The following PEX5L variants were observed in gnomAD, a reference collection of about 807,000 sequenced individuals.
PEX5L encodes the protein peroxisomal biogenesis factor 5 like.
A neutral mutation model predicts 84.0 loss-of-function variants in PEX5L; 30 were observed. The ratio of observed to expected loss-of-function variants is 0.36; its 90% confidence interval spans 0.27 to 0.48. PEX5L has a LOEUF of 0.48. Among genes scored for constraint, PEX5L ranks in the 20% least tolerant of loss-of-function variants. PEX5L has a pLI of 0.99. For synonymous variants in PEX5L, 270 were observed against 283.1 expected (o/e 0.95, Z 0.46); for missense variants, 533 against 754.6 (o/e 0.71, Z 3.44).
At chr3:179,885,422 A>G (rs1819122) in intron 4 of PEX5L, among the ~76,000 whole-genome samples, 141,159 of 152,162 alleles carry the variant, frequency 0.93, 65,606 homozygotes, top group African/African-American at 0.98. Context: ...CAAAGTGGGC[A>G]GATCACAAGG....
intron 1 of PEX5L, among the ~76,000 whole-genome samples, chr3:180,013,874 C>T (rs548270455): frequency 3.4e-4 from 52 of 152,286 alleles, no homozygotes; most frequent in African/African-American, 1.3e-3. Context: ...AAATTTTCTA[C>T]AAGGAACACG....
intron 8 of PEX5L, among the ~76,000 whole-genome samples, chr3:179,840,512 A>G (rs1209202504): frequency 6.6e-6 from 1 of 152,018 alleles, no homozygotes; most frequent in African/African-American, 2.4e-5. Flanking sequence ...TAAGCAGGGA[A>G]GTAATAGGAT....
At chr3:179,885,520 C>T (rs775221625) in intron 4 of PEX5L, among the ~76,000 whole-genome samples, 2 of 152,068 alleles carry the variant, frequency 1.3e-5, no homozygotes, top group African/African-American at 2.4e-5. Flanking sequence ...GTGGCAGGTG[C>T]CTATAGTCCC....
intron 1 of PEX5L, among the ~76,000 whole-genome samples, chr3:180,007,467 A>G (rs1356347212): frequency 6.6e-6 from 1 of 152,130 alleles, no homozygotes; most frequent in Non-Finnish European, 1.5e-5. Flanking sequence ...AGTCTGGAGG[A>G]CAGTAGTCCT....
chr3:180,030,189 T>G (rs907992520), intron 1 of PEX5L, among the ~76,000 whole-genome samples: 3 of 152,172 alleles, frequency 2.0e-5, no homozygotes, highest in African/African-American at 7.2e-5. Flanking sequence ...CAAACTCACA[T>G]ATACCTAGTG....
At chr3:180,024,382 A>C (rs1479453363) in intron 1 of PEX5L, among the ~76,000 whole-genome samples, 24 of 114,818 alleles carry the variant, frequency 2.1e-4, no homozygotes, top group Non-Finnish European at 3.8e-4. Context: ...ATACACACAC[A>C]AAAAAAAAAA....
At chr3:179,825,202 G>T (rs1729988283) in intron 8 of PEX5L, among the ~76,000 whole-genome samples, 1 of 152,228 alleles carries the variant, frequency 6.6e-6, no homozygotes, top group Non-Finnish European at 1.5e-5. Flanking sequence ...TCAGGGGGAT[G>T]CTGAGAGCTG....
chr3:180,024,069 G>T (rs1256804165), intron 1 of PEX5L, among the ~76,000 whole-genome samples: 5 of 151,966 alleles, frequency 3.3e-5, no homozygotes, highest in South Asian at 2.1e-4. Flanking sequence ...TTGTATATTT[G>T]GTCCACCCAG....
chr3:179,862,350 A>G (rs999939998), intron 7 of PEX5L, among the ~76,000 whole-genome samples: 1 of 152,222 alleles, frequency 6.6e-6, no homozygotes, highest in Admixed American at 6.5e-5. Flanking sequence ...CTTTTGGGCC[A>G]CAGTATATTC....
At chr3:180,004,334 T>C (rs921869777) in intron 1 of PEX5L, among the ~76,000 whole-genome samples, 3 of 152,200 alleles carry the variant, frequency 2.0e-5, no homozygotes, top group African/African-American at 7.2e-5. Context: ...TTTTTAGTTA[T>C]TAGTGAAGAA....
At chr3:179,989,192 T>C (rs1389852861) in intron 1 of PEX5L, among the ~76,000 whole-genome samples, 1 of 152,212 alleles carries the variant, frequency 6.6e-6, no homozygotes, top group African/African-American at 2.4e-5. Flanking sequence ...TGGCATCTTA[T>C]ATGTATTCTT....
intron 2 of PEX5L, among the ~76,000 whole-genome samples, chr3:179,910,475 A>G (rs77159190): frequency 0.017 from 2,607 of 152,346 alleles, 70 homozygotes; most frequent in African/African-American, 0.06. Flanking sequence ...ATTAGTTAAT[A>G]TAGACATTAG....
intron 8 of PEX5L, among the ~76,000 whole-genome samples, chr3:179,834,370 C>T (rs1396123380): frequency 6.6e-6 from 1 of 152,162 alleles, no homozygotes; most frequent in African/African-American, 2.4e-5. Flanking sequence ...TTGGATATTC[C>T]CTGCAGGAAT....
intron 8 of PEX5L, among the ~76,000 whole-genome samples, chr3:179,841,857 A>T (rs1737436366): frequency 6.6e-6 from 1 of 152,214 alleles, no homozygotes; most frequent in African/African-American, 2.4e-5. Context: ...TATTTCATAC[A>T]GGAAAAACCT....
chr3:179,976,565 G>A (rs1270866316), intron 1 of PEX5L, among the ~76,000 whole-genome samples: 1 of 152,112 alleles, frequency 6.6e-6, no homozygotes, highest in African/African-American at 2.4e-5. Flanking sequence ...AACCTCCCTA[G>A]TAGCTGGGAT....
chr3:179,862,857 C>T (rs1438047079), intron 7 of PEX5L, among the ~76,000 whole-genome samples: 2 of 152,164 alleles, frequency 1.3e-5, no homozygotes, highest in Non-Finnish European at 2.9e-5. Context: ...TGTACAGACT[C>T]ACAAGAGACC....
chr3:180,023,393 GA>G (rs1031553167), intron 1 of PEX5L, among the ~76,000 whole-genome samples: 2 of 152,194 alleles, frequency 1.3e-5, no homozygotes, highest in Non-Finnish European at 2.9e-5. Flanking sequence ...CTTATTTGCA[GA>G]ATGAGGAGAC....
rs150131534 is a variant in PEX5L, at chr3:179,930,233, A to AATGTTTAAAAAATGTTTAAAAAAACAT, written c.94-31988_94-31987insATGTTTTTTTAAACATTTTTTAAACAT. On this transcript the variant is annotated intron_variant, in intron 2 of 14. Coordinates refer to ENST00000467460, the MANE Select transcript of PEX5L (RefSeq NM_016559.3). ...AGGTCATAAAACTGTTTCTCTTTTG[A>AATGTTTAAAAAATGTTTAAAAAAACAT]TTTTTGTTTTCTGTTATCAACTGCT... 3.0e-3 allele frequency among the ~76,000 whole-genome samples: 453 copies of AATGTTTAAAAAATGTTTAAAAAAACAT among 152,090 alleles called. 2 individuals carry two copies. The highest frequency in any genetic ancestry group is 0.011 in the African/African-American group (440 of 41,494).
At chr3:179,874,705 C>A (rs58206463) in intron 6 of PEX5L, among the ~76,000 whole-genome samples, 1 of 47,760 alleles carries the variant, frequency 2.1e-5, no homozygotes, top group Non-Finnish European at 4.2e-5. Context: ...ACAGAAAATT[C>A]TGTTTCATAA....
Sources: allele counts gnomAD v4.1 joint callset (sites outside exome capture counted in the v4.1 genomes callset), GRCh38; gene constraint gnomAD v4.1.1; transcripts MANE v1.5; gene names NCBI Gene and HGNC (gene_info 2026-07-23, HGNC 2026-07-21).